Variants in MAN2A1 observed in about 807,000 individuals in gnomAD.
MAN2A1 encodes mannosidase alpha class 2A member 1, also known as alpha-mannosidase 2.
In MAN2A1, 76 loss-of-function variants were observed where a neutral mutation model predicts 142.6. The ratio of observed to expected loss-of-function variants is 0.53; its 90% CI spans 0.44 to 0.65. The LOEUF is 0.65. MAN2A1 is among the 30% of genes least tolerant of loss of function. MAN2A1 has a pLI of 0.00. For synonymous variants in MAN2A1, 559 were observed against 473.2 expected (o/e 1.18, Z -2.35); for missense variants, 1,311 against 1,365.1 (o/e 0.96, Z 0.62).
chr5:109,823,895 T>C (rs1193148239), intron 16 of MAN2A1, 58 bp downstream of exon 16: 1 of 785,576 alleles, frequency 1.3e-6, no homozygotes, highest in Non-Finnish European at 1.9e-6. Context: ...GAATTCTTGC[T>C]TTTCTTATGC....
chr5:109,812,029 G>A (rs1754332430), intron 12 of MAN2A1, among the ~76,000 whole-genome samples: 1 of 152,128 alleles, frequency 6.6e-6, no homozygotes, highest in African/African-American at 2.4e-5. Flanking sequence ...GTACTACCCA[G>A]TGTGATGATG....
intron 2 of MAN2A1, among the ~76,000 whole-genome samples, 163 bp downstream of exon 2, chr5:109,713,937 T>G (rs1751379399): frequency 6.6e-6 from 1 of 152,196 alleles, no homozygotes; most frequent in South Asian, 2.1e-4. Flanking sequence ...ATTAATGTTC[T>G]GTTTAGTGAT....
chr5:109,757,998 T>C (rs1026459418), intron 5 of MAN2A1, among the ~76,000 whole-genome samples: 21 of 152,314 alleles, frequency 1.4e-4, no homozygotes, highest in South Asian at 4.1e-4. Context: ...AATGCTGTTA[T>C]ACACATTTGT....
At chr5:109,799,142 A>G (rs1486150752) in intron 12 of MAN2A1, among the ~76,000 whole-genome samples, 1 of 152,170 alleles carries the variant, frequency 6.6e-6, no homozygotes. Flanking sequence ...GGAGTTTAAT[A>G]CGGTTATGTG....
At chr5:109,690,638 C>A (rs906252034) in intron 1 of MAN2A1, 86 bp downstream of exon 1, 1 of 1,434,826 alleles carries the variant, frequency 7.0e-7, no homozygotes, top group Non-Finnish European at 9.5e-7. Context: ...CCTCTTCCTC[C>A]CGCCGCGGCC....
Position 109,817,303 on chromosome 5 carries a change from A to G in MAN2A1, c.1974A>G (p.Gln658=). The change falls in exon 13 of 22, where the codon CAA becomes CAG. Residue 658 remains glutamine (Q), a synonymous_variant. Coordinates refer to ENST00000261483, the MANE Select transcript of MAN2A1 (RefSeq NM_002372.4). ...RYLVVYNPLE[Q]DRISLVSVYV... is the part of the protein sequence containing the mutation. ...TTGTGGTCTATAATCCTTTAGAACA[A>G]GACCGAATCTCGTTGGTCTCAGTCT... 1.9e-6 allele frequency: 3 copies of G among 1,614,164 alleles called. No individual in the cohort carries two copies. The highest frequency in any genetic ancestry group is 2.2e-5 in the South Asian group (2 of 91,080).
At position 109,864,852 on chromosome 5, in the gene MAN2A1, A is replaced by G. The variant is rs12656073; in HGVS notation, c.3172-184A>G. The G allele has an allele frequency of 1.0e-5, 6 of 599,518 alleles. No homozygotes were observed. In the South Asian group the frequency reaches 1.2e-4, roughly 12 times the overall value. The allele number at this position is 599,518 out of a possible 1,614,324, so 37.1% of individuals were successfully genotyped here. A position where few individuals can be genotyped will look rare whatever the true frequency, so the allele number is the denominator to read the frequency against. ...ACATAATCTTACCTGGCTCAGTACA[A>G]GTAGGAGAGAATGGTAGCAGGTGAA... On this transcript the variant is annotated intron_variant, in intron 20 of 21. Coordinates refer to ENST00000261483, the MANE Select transcript of MAN2A1 (RefSeq NM_002372.4).
chr5:109,755,605 T>C, intron 5 of MAN2A1, 149 bp downstream of exon 5: 1 of 634,070 alleles, frequency 1.6e-6, no homozygotes, highest in Non-Finnish European at 2.6e-6. Context: ...ATGATATTTC[T>C]TAGCTCATAA....
intron 12 of MAN2A1, among the ~76,000 whole-genome samples, chr5:109,802,792 G>A (rs180925583): frequency 3.3e-5 from 5 of 152,018 alleles, no homozygotes; most frequent in East Asian, 1.9e-4. Context: ...TTTACTGAGT[G>A]TTGTAGCTTC....
chr5:109,863,878 C>T (rs1048239664), intron 20 of MAN2A1: 5 of 152,112 alleles, frequency 3.3e-5, no homozygotes, highest in African/African-American at 9.7e-5. Context: ...CCTTAAATGA[C>T]TCTTCTCTTC....
chr5:109,784,734 A>G lies in MAN2A1; in HGVS notation c.1578-10A>G. Reference sequence around the variant, plus strand: ...GTTTTAAAATAAAAATATGACTTTTATGCAATTAGGGCTGCTGAAATTCTT... The same window carrying G: ...GTTTTAAAATAAAAATATGACTTTTGTGCAATTAGGGCTGCTGAAATTCTT... On this transcript the variant is annotated splice_polypyrimidine_tract_variant and intron_variant, in intron 9 of 21. Transcript: ENST00000261483. 1 of 1,554,222 alleles carries G rather than the reference A, an allele frequency of 6.4e-7. No individual in the cohort carries two copies. Among genetic ancestry groups the G allele is most frequent in the East Asian group, 2.3e-5 (1 of 44,066 alleles).
chr5:109,727,328 G>T (rs1401666115), intron 3 of MAN2A1, among the ~76,000 whole-genome samples: 1 of 152,034 alleles, frequency 6.6e-6, no homozygotes, highest in Non-Finnish European at 1.5e-5. Flanking sequence ...TCTTCTCCTT[G>T]TGTCTTTGCA....
At chr5:109,759,638 A>G (rs937417766) in intron 5 of MAN2A1, among the ~76,000 whole-genome samples, 1 of 152,142 alleles carries the variant, frequency 6.6e-6, no homozygotes, top group Non-Finnish European at 1.5e-5. Context: ...TTGCTGGGCT[A>G]TAGGATAAGT....
intron 4 of MAN2A1, among the ~76,000 whole-genome samples, chr5:109,736,440 C>T (rs1351627182): frequency 6.6e-6 from 1 of 152,002 alleles, no homozygotes; most frequent in Non-Finnish European, 1.5e-5. Flanking sequence ...TCAACTGAAC[C>T]CAAGAATTGG....
rs532948300 is a variant in MAN2A1 at position 109,844,355 on chromosome 5, G to A, written c.2701-1510G>A. Among the ~76,000 whole-genome samples, 17 of 152,328 alleles carry A rather than the reference G, an allele frequency of 1.1e-4. No individual in the cohort carries two copies. The South Asian group carries it at 2.7e-3, about 24-fold the overall frequency. Reference sequence around the variant, plus strand: ...CAAAACTAGGTATCTAGCTCCACCAGTGGGGAATCGGGGTAGCAACAACAC... The same window carrying A: ...CAAAACTAGGTATCTAGCTCCACCAATGGGGAATCGGGGTAGCAACAACAC... On this transcript the variant is annotated intron_variant, in intron 17 of 21. Transcript: ENST00000261483.
intron 12 of MAN2A1, among the ~76,000 whole-genome samples, chr5:109,789,739 T>C (rs1402326864): frequency 6.6e-6 from 1 of 151,842 alleles, no homozygotes; most frequent in African/African-American, 2.4e-5. Flanking sequence ...TAAATTATTA[T>C]AACAATATTT....
intron 12 of MAN2A1, among the ~76,000 whole-genome samples, chr5:109,801,270 G>T (rs971480238): frequency 5.3e-5 from 8 of 152,148 alleles, no homozygotes; most frequent in African/African-American, 1.4e-4. Context: ...GATGGTTCCT[G>T]CTTCTACATA....
chr5:109,793,665 T>G (rs180949750), intron 12 of MAN2A1, among the ~76,000 whole-genome samples: 2 of 152,136 alleles, frequency 1.3e-5, no homozygotes, highest in East Asian at 3.9e-4. Flanking sequence ...TAACTGTCCA[T>G]TTAAGATTTT....
chr5:109,832,654 C>T (rs1027549038), intron 16 of MAN2A1, among the ~76,000 whole-genome samples: 2 of 152,212 alleles, frequency 1.3e-5, no homozygotes, highest in Non-Finnish European at 2.9e-5. Flanking sequence ...AAACCGCCAT[C>T]GTCATCATGG....
Sources: gnomAD v4.1 joint callset for allele counts (sites outside exome capture counted in the v4.1 genomes callset) on GRCh38, gnomAD v4.1.1 for gene constraint, MANE v1.5 for transcripts, NCBI Gene and HGNC (gene_info 2026-07-23, HGNC 2026-07-21) for gene names.